Variants in SULT2B1 observed in about 807,000 individuals in gnomAD.
SULT2B1 encodes sulfotransferase 2B1.
Under a neutral mutation model 33.2 loss-of-function variants are expected in SULT2B1, and 16 were observed. The observed-to-expected ratio is 0.48, with a 90% CI of 0.33 to 0.73. SULT2B1 has a LOEUF of 0.73. Ranked by LOEUF, SULT2B1 falls within the 30% of genes least tolerant of loss-of-function variation. The pLI is 0.02. For synonymous variants in SULT2B1, 186 were observed against 200.5 expected (o/e 0.93, Z 0.61); for missense variants, 500 against 506.0 (o/e 0.99, Z 0.11).
intron 1 of SULT2B1, among the ~76,000 whole-genome samples, chr19:48,561,511 G>A (rs1444240305): frequency 1.3e-5 from 2 of 151,480 alleles, no homozygotes; most frequent in Admixed American, 6.6e-5. Context: ...TGCTGGAAGG[G>A]AGAGAGAGAG....
intron 1 of SULT2B1, 94 bp from the exon 2 acceptor site, chr19:48,575,847 A>G: frequency 6.5e-7 from 1 of 1,534,918 alleles, no homozygotes. Flanking sequence ...TCTGAGGAGG[A>G]AGTTCCTTGC....
intron 1 of SULT2B1, among the ~76,000 whole-genome samples, chr19:48,570,041 A>G (rs375529763): frequency 9.2e-5 from 14 of 152,240 alleles, no homozygotes; most frequent in African/African-American, 3.4e-4. Flanking sequence ...GGACGACAAC[A>G]TCATTGGAGG....
In SULT2B1 at chr19:48,552,418, C is replaced by T; in HGVS notation, c.71+95C>T. 7.3e-7 allele frequency: 1 copy of T among 1,363,100 alleles called. No individual in the cohort carries two copies. Among genetic ancestry groups the T allele is most frequent in the Non-Finnish European group, 1.0e-6 (1 of 989,300 alleles). The allele number at this position is 1,363,100 out of a possible 1,614,324, so 84.4% of individuals were successfully genotyped here. A position where few individuals can be genotyped will look rare whatever the true frequency, so the allele number is the denominator to read the frequency against. The stretch of plus-strand genomic sequence containing the variant: ...CTGTGGCAAGGGTGGCCTCCAGCCA[C>T]CCGCAGCCGCAGGCCTGGCCCAGAC... On this transcript the variant is annotated intron_variant, in intron 1 of 6. Transcript: ENST00000201586. This position sits in a 1 kb window ranked among gnomAD's most constrained non-coding sequence, Gnocchi z 4.8.
Position 48,568,654 on chromosome 19 carries a change from G to A in SULT2B1, c.72-7287G>A, listed in dbSNP as rs569363886. On this transcript the variant is annotated intron_variant, in intron 1 of 6. Transcript: ENST00000201586. ...AGGGCGCCGGGACACTGCTTGGCGC[G>A]TCCTGGGAGTGAAGCGCATTGAACC... Among the ~76,000 whole-genome samples, 5 of 152,158 alleles carry A rather than the reference G, an allele frequency of 3.3e-5. No homozygotes were observed. The East Asian group carries it at 5.8e-4, about 18-fold the overall frequency.
At position 48,597,338 on chromosome 19, in the gene SULT2B1, T is replaced by G. The variant is rs1248622752; in HGVS notation, c.826+419T>G. ...TCCATGACTCAAAACACGTTTACTC[T>G]TTTTTTTTTTTTTTTTTTTGAAAGA... On this transcript the variant is annotated intron_variant, in intron 6 of 6. Transcript: ENST00000201586. 5.5e-3 allele frequency among the ~76,000 whole-genome samples: 13 copies of G among 2,346 alleles called. No individual in the cohort carries two copies. In the Admixed American group the frequency reaches 0.073, roughly 13 times the overall value. The allele number at this position is 2,346 out of a possible 152,430, so 1.5% of individuals were successfully genotyped here. A position where few individuals can be genotyped will look rare whatever the true frequency, so the allele number is the denominator to read the frequency against.
Position 48,576,360 on chromosome 19 carries a change from T to TC in SULT2B1, c.214+277_214+278insC, listed in dbSNP as rs1555733403. 9.1e-4 allele frequency among the ~76,000 whole-genome samples: 48 copies of TC among 52,988 alleles called. 2 individuals are homozygous for TC. The highest frequency in any genetic ancestry group is 3.2e-3 in the African/African-American group (44 of 13,606). The allele number at this position is 52,988 out of a possible 152,430, so 34.8% of individuals were successfully genotyped here. A position where few individuals can be genotyped will look rare whatever the true frequency, so the allele number is the denominator to read the frequency against. On this transcript the variant is annotated intron_variant, in intron 2 of 6. Coordinates refer to ENST00000201586, the MANE Select transcript of SULT2B1 (RefSeq NM_177973.2). ...CTTTCCCCTTTACCCTCTACTTCTCTTTTTTTTTTTTTTTTTTGTAGAGAT... is the reference window on the plus strand; with the variant it reads ...CTTTCCCCTTTACCCTCTACTTCTCTCTTTTTTTTTTTTTTTTTGTAGAGAT...
Position 48,579,369 on chromosome 19 carries a change from G to A in SULT2B1, c.214+3286G>A, listed in dbSNP as rs186748297. 2.7e-5 allele frequency among the ~76,000 whole-genome samples: 4 copies of A among 146,674 alleles called. No individual in the cohort carries two copies. The East Asian group carries it at 6.1e-4, about 23-fold the overall frequency. On this transcript the variant is annotated intron_variant, in intron 2 of 6. Transcript: ENST00000201586. ...GTGACCTTGGCTCACTGCAAACTCC[G>A]CCTCCCGAGTTCACGCCATTCTCTT... is the stretch of plus-strand genomic sequence containing the variant.
intron 1 of SULT2B1, among the ~76,000 whole-genome samples, chr19:48,560,315 G>A (rs1246481747): frequency 1.3e-5 from 2 of 152,176 alleles, no homozygotes; most frequent in Non-Finnish European, 2.9e-5. Context: ...GTGGGGATGA[G>A]CTCACTGAGT....
At chr19:48,566,684 T>C (rs1973246779) in intron 1 of SULT2B1, among the ~76,000 whole-genome samples, 1 of 151,840 alleles carries the variant, frequency 6.6e-6, no homozygotes, top group Admixed American at 6.6e-5. Context: ...TTTACTAAAA[T>C]ATAAAAAATT....
intron 3 of SULT2B1, among the ~76,000 whole-genome samples, chr19:48,589,117 C>A (rs896961116): frequency 1.3e-5 from 2 of 152,130 alleles, no homozygotes; most frequent in Non-Finnish European, 1.5e-5. Flanking sequence ...GCCGGGAAGC[C>A]CGAGAGGCGG....
Position 48,552,428 on chromosome 19 carries a change from C to T in SULT2B1, c.71+105C>T, listed in dbSNP as rs956898164. The T allele has an allele frequency of 1.8e-5, 23 of 1,255,358 alleles. No individual in the cohort carries two copies. Among genetic ancestry groups the T allele is most frequent in the Non-Finnish European group, 2.5e-5 (22 of 893,458 alleles). The allele number at this position is 1,255,358 out of a possible 1,614,324, so 77.8% of individuals were successfully genotyped here. A position where few individuals can be genotyped will look rare whatever the true frequency, so the allele number is the denominator to read the frequency against. ...GGTGGCCTCCAGCCACCCGCAGCCG[C>T]AGGCCTGGCCCAGACTTAGCTGGAG... is the stretch of plus-strand genomic sequence containing the variant. On this transcript the variant is annotated intron_variant, in intron 1 of 6. Transcript: ENST00000201586. The surrounding 1 kb of genome is among the most constrained non-coding windows in gnomAD (Gnocchi z 4.8).
rs986329397 is a variant in SULT2B1 at position 48,576,019 on chromosome 19, C to T, written c.150C>T (p.Ser50=). 7.4e-6 allele frequency: 12 copies of T among 1,613,876 alleles called. 1 individual carries two copies. Among genetic ancestry groups the T allele is most frequent in the Non-Finnish European group, 1.0e-5 (12 of 1,179,990 alleles). ...PVGLYSLESI[S]LAENTQDVRD... The stretch of plus-strand genomic sequence containing the variant: ...GCCTGTACTCGCTCGAGAGCATCAG[C>T]TTGGCGGAGAACACCCAAGATGTGC... The change falls in exon 2 of 7, where the codon AGC becomes AGT. Residue 50 remains serine (S), a synonymous_variant. Transcript: ENST00000201586.
rs972357252 is a variant in SULT2B1, at chr19:48,562,232, C to CA, written c.71+9915dup. Among the ~76,000 whole-genome samples the CA allele has an allele frequency of 1.5e-4, 23 of 151,980 alleles. 1 individual carries two copies. Among genetic ancestry groups the CA allele is most frequent in the Non-Finnish European group, 3.2e-4 (22 of 67,958 alleles). On this transcript the variant is annotated intron_variant, in intron 1 of 6. Coordinates refer to ENST00000201586, the MANE Select transcript of SULT2B1 (RefSeq NM_177973.2). ...TAAAACCCCGTTTCTACTAAAAATA[C>CA]AAAAAATTAGCCAGGCGTGGTGGCA...
At chr19:48,559,881 G>C (rs1016404694) in intron 1 of SULT2B1, among the ~76,000 whole-genome samples, 2 of 151,930 alleles carry the variant, frequency 1.3e-5, no homozygotes, top group African/African-American at 4.8e-5. Context: ...AACACTTTGG[G>C]AGGGCAAGGC....
At chr19:48,558,080 T>C (rs1031044065) in intron 1 of SULT2B1, among the ~76,000 whole-genome samples, 2 of 152,164 alleles carry the variant, frequency 1.3e-5, no homozygotes, top group Non-Finnish European at 2.9e-5. Flanking sequence ...ACCTGTTGAG[T>C]GCTGTCTGTA....
At chr19:48,569,380 A>ATATG (rs1426790409) in intron 1 of SULT2B1, among the ~76,000 whole-genome samples, 1 of 17,406 alleles carries the variant, frequency 5.7e-5, no homozygotes, top group African/African-American at 4.3e-4. Context: ...ATATATATAT[A>ATATG]TATATATATA....
At chr19:48,579,529 G>A (rs544751285) in intron 2 of SULT2B1, among the ~76,000 whole-genome samples, 27 of 149,670 alleles carry the variant, frequency 1.8e-4, no homozygotes, top group Admixed American at 1.1e-3. Context: ...TGATCCACCC[G>A]TCTTGGCCTC....
At chr19:48,575,767 C>A in intron 1 of SULT2B1, 174 bp from the exon 2 acceptor site, 1 of 1,180,504 alleles carries the variant, frequency 8.5e-7, no homozygotes, top group Non-Finnish European at 1.1e-6. Context: ...AGGAGTGTGC[C>A]ACTGCGCCTG....
chr19:48,558,664 T>TTTTTC (rs1328968422), intron 1 of SULT2B1, among the ~76,000 whole-genome samples: 42 of 148,436 alleles, frequency 2.8e-4, no homozygotes, highest in East Asian at 8.0e-4. Context: ...TGCTTTTTCT[T>TTTTTC]TTTTCTTTTC....
Sources: gnomAD v4.1 joint callset for allele counts (sites outside exome capture counted in the v4.1 genomes callset) on GRCh38, gnomAD v4.1.1 for gene constraint, Gnocchi (gnomAD v3.1) non-coding constraint, MANE v1.5 for transcripts, NCBI Gene and HGNC (gene_info 2026-07-23, HGNC 2026-07-21) for gene names.